The following PRKAA2 variants were observed in gnomAD, a reference collection of about 807,000 sequenced individuals.
The protein encoded by PRKAA2 is 5'-AMP-activated protein kinase catalytic subunit alpha-2.
Under a neutral mutation model 56.3 loss-of-function variants are expected in PRKAA2, and 40 were observed. The observed-to-expected ratio is 0.71, with a 90% CI of 0.55 to 0.92. The LOEUF (loss-of-function observed/expected upper bound fraction) is 0.92, where lower values mean the gene tolerates loss of function less well. Among genes scored for constraint, PRKAA2 ranks in the 40% least tolerant of loss-of-function variants. PRKAA2 has a pLI of 0.00. For synonymous variants in PRKAA2, 214 were observed against 234.2 expected (o/e 0.91, Z 0.79); for missense variants, 542 against 686.9 (o/e 0.79, Z 2.36).
At chr1:56,700,514 AC>A (rs1644287051) in intron 6 of PRKAA2, among the ~76,000 whole-genome samples, 1 of 151,570 alleles carries the variant, frequency 6.6e-6, no homozygotes, top group Admixed American at 6.6e-5. Flanking sequence ...CTTTCCAAAG[AC>A]CCCTCTGGAA....
chr1:56,658,025 A>G, intron 1 of PRKAA2, among the ~76,000 whole-genome samples: 1 of 152,192 alleles, frequency 6.6e-6, no homozygotes, highest in South Asian at 2.1e-4. Flanking sequence ...AGATATGAGA[A>G]AAAGTAGAGT....
At chr1:56,666,458 T>A (rs1644036837) in intron 1 of PRKAA2, among the ~76,000 whole-genome samples, 2 of 152,164 alleles carry the variant, frequency 1.3e-5, no homozygotes, top group Non-Finnish European at 2.9e-5. Context: ...TAGGGAATGC[T>A]TACTGAAAGA....
At chr1:56,665,850 C>G (rs1401281661) in intron 1 of PRKAA2, among the ~76,000 whole-genome samples, 4 of 152,246 alleles carry the variant, frequency 2.6e-5, no homozygotes, top group African/African-American at 9.6e-5. Context: ...TTTTCTAAAT[C>G]TGTTTTCCTG....
intron 2 of PRKAA2, among the ~76,000 whole-genome samples, chr1:56,677,028 G>A (rs1325397722): frequency 6.6e-6 from 1 of 152,110 alleles, no homozygotes; most frequent in East Asian, 1.9e-4. Flanking sequence ...TGTATTAGAT[G>A]GTCCAGAGTA....
chr1:56,670,685 A>G (rs1644068825), intron 1 of PRKAA2, among the ~76,000 whole-genome samples: 1 of 152,232 alleles, frequency 6.6e-6, no homozygotes, highest in African/African-American at 2.4e-5. Flanking sequence ...TAGTATAGCT[A>G]CTTACTTGAG....
intron 2 of PRKAA2, among the ~76,000 whole-genome samples, chr1:56,678,626 T>C (rs2100409644): frequency 6.6e-6 from 1 of 152,264 alleles, no homozygotes; most frequent in Admixed American, 6.5e-5. Context: ...CCTCCATAAT[T>C]CTTAATGCAA....
chr1:56,707,571 C>A lies in PRKAA2; in HGVS notation c.1517C>A (p.Thr506Asn), dbSNP rs1405705256. The change falls in exon 9 of 9, where the codon ACT (threonine) becomes AAT (asparagine). Residue 506 changes from threonine to asparagine, a missense_variant. Physicochemically the swap from Thr to Asn is moderately conservative, Grantham distance 65. Coordinates refer to ENST00000371244, the MANE Select transcript of PRKAA2 (RefSeq NM_006252.4). ...CCAAGATCAAGTTTTGATTCCACAACTGCAGAGAGCCATTCACTTTCTGGC... is the reference window on the plus strand; with the variant it reads ...CCAAGATCAAGTTTTGATTCCACAAATGCAGAGAGCCATTCACTTTCTGGC... ...HRPRSSFDST[T>N]AESHSLSGSL... 1 of 1,614,138 alleles carries A rather than the reference C, an allele frequency of 6.2e-7. No individual in the cohort carries two copies.
In PRKAA2 at chr1:56,699,649, T is replaced by C. The variant is rs552213983; in HGVS notation, c.788+3490T>C. On this transcript the variant is annotated intron_variant, in intron 6 of 8. Coordinates refer to ENST00000371244, the MANE Select transcript of PRKAA2 (RefSeq NM_006252.4). ...AATTTATCCCTTTAGATTGTATAAT[T>C]CACTGGCTTTTAGTGTATTCACAAA... is the stretch of plus-strand genomic sequence containing the variant. Among the ~76,000 whole-genome samples the C allele has an allele frequency of 2.6e-4, 39 of 152,336 alleles. No homozygotes were observed. The South Asian group carries it at 5.8e-3, about 23-fold the overall frequency.
Position 56,707,598 on chromosome 1 carries a change from C to T in PRKAA2, c.1544C>T (p.Ser515Phe), listed in dbSNP as rs1338639598. ...TTAESHSLSG[S>F]LTGSLTGSTL... The stretch of plus-strand genomic sequence containing the variant: ...GCAGAGAGCCATTCACTTTCTGGCT[C>T]TCTCACTGGCTCTTTGACCGGAAGC... The change falls in exon 9 of 9, where the codon TCT becomes TTT. Residue 515 changes from serine (S) to phenylalanine (F), a missense_variant. Ser to Phe is a radical substitution (Grantham distance 155, BLOSUM62 -2). Transcript: ENST00000371244. 3.1e-6 allele frequency: 5 copies of T among 1,614,026 alleles called. No individual in the cohort carries two copies. The highest frequency in any genetic ancestry group is 4.2e-6 in the Non-Finnish European group (5 of 1,179,956).
chr1:56,692,028 ATTTTTTTTTTT>A (rs397863487), intron 3 of PRKAA2, among the ~76,000 whole-genome samples: 76 of 112,806 alleles, frequency 6.7e-4, no homozygotes, highest in Non-Finnish European at 1.1e-3. Flanking sequence ...GATGTCTCAG[ATTTTTTTTTTT>A]TTTTTTTTTT....
At chr1:56,697,804 AT>A (rs968087917) in intron 6 of PRKAA2, among the ~76,000 whole-genome samples, 34 of 147,980 alleles carry the variant, frequency 2.3e-4, no homozygotes, top group South Asian at 6.5e-4. Flanking sequence ...CTATATTAAA[AT>A]TTTTTTTTTA....
intron 1 of PRKAA2, among the ~76,000 whole-genome samples, chr1:56,648,606 T>G (rs79560353): frequency 0.038 from 5,813 of 152,280 alleles, 198 homozygotes; most frequent in Admixed American, 0.12. Flanking sequence ...TAGTTTTATG[T>G]TTTACTTTTT....
At chr1:56,648,379 T>C (rs546353623) in intron 1 of PRKAA2, among the ~76,000 whole-genome samples, 1 of 152,384 alleles carries the variant, frequency 6.6e-6, no homozygotes, top group South Asian at 2.1e-4. Flanking sequence ...TGACATAGCA[T>C]GTGCCATTAA....
intron 2 of PRKAA2, among the ~76,000 whole-genome samples, chr1:56,680,693 CT>C (rs1433574820): frequency 6.6e-6 from 1 of 152,058 alleles, no homozygotes; most frequent in African/African-American, 2.4e-5. Context: ...TGAACTCATC[CT>C]TTTTTATGGC....
At chr1:56,646,477 A>C (rs1250356547) in intron 1 of PRKAA2, among the ~76,000 whole-genome samples, 1 of 152,156 alleles carries the variant, frequency 6.6e-6, no homozygotes, top group African/African-American at 2.4e-5. Flanking sequence ...ACTTTATTCG[A>C]GTTAAGTAAC....
At position 56,705,305 on chromosome 1, in the gene PRKAA2, C is replaced by T. The variant is rs138927060; in HGVS notation, c.1294-787C>T. On this transcript the variant is annotated intron_variant, in intron 7 of 8. Transcript: ENST00000371244. The stretch of plus-strand genomic sequence containing the variant: ...CAGTCTTATTTAGTTAAAAAAGAGA[C>T]GTTAACATTTTTAAAATTCTGTACT... Among the ~76,000 whole-genome samples, 88 of 152,210 alleles carry T rather than the reference C, an allele frequency of 5.8e-4. 2 individuals carry two copies. The East Asian group carries it at 0.016, about 27-fold the overall frequency.
chr1:56,707,850 T>C lies in PRKAA2; in HGVS notation c.*137T>C, dbSNP rs914655757. ...TATTTCCAGGGGCACACAATGCTAT[T>C]GAAATTACTGAAAACAAAATATCTG... On this transcript the variant is annotated 3_prime_UTR_variant, in exon 9 of 9. Transcript: ENST00000371244. The C allele has an allele frequency of 1.4e-5, 11 of 782,026 alleles. No individual in the cohort carries two copies. The African/African-American group carries it at 1.7e-4, about 12-fold the overall frequency. The allele number at this position is 782,026 out of a possible 1,614,324, so 48.4% of individuals were successfully genotyped here. A position where few individuals can be genotyped will look rare whatever the true frequency, so the allele number is the denominator to read the frequency against.
At position 56,714,824 on chromosome 1, in the gene PRKAA2, G is replaced by A. The variant is rs1320450320; in HGVS notation, c.*7111G>A. Reference sequence around the variant, plus strand: ...TAAAACTGAAAACAGCCATTTGGTTGTGTCATGACAATCATAATATAGGAT... The same window carrying A: ...TAAAACTGAAAACAGCCATTTGGTTATGTCATGACAATCATAATATAGGAT... On this transcript the variant is annotated 3_prime_UTR_variant, in exon 9 of 9. Transcript: ENST00000371244. The A allele has an allele frequency of 1.3e-5, 2 of 151,888 alleles. No individual in the cohort carries two copies. The highest frequency in any genetic ancestry group is 4.8e-5 in the African/African-American group (2 of 41,366). The allele number at this position is 151,888 out of a possible 1,614,324, so 9.4% of individuals were successfully genotyped here. A position where few individuals can be genotyped will look rare whatever the true frequency, so the allele number is the denominator to read the frequency against.
At position 56,710,488 on chromosome 1, in the gene PRKAA2, G is replaced by A. The variant is rs1290131897; in HGVS notation, c.*2775G>A. 1.3e-5 allele frequency: 2 copies of A among 152,054 alleles called. No individual in the cohort carries two copies. The highest frequency in any genetic ancestry group is 1.3e-4 in the Admixed American group (2 of 15,254). The allele number at this position is 152,054 out of a possible 1,614,324, so 9.4% of individuals were successfully genotyped here. A position where few individuals can be genotyped will look rare whatever the true frequency, so the allele number is the denominator to read the frequency against. On this transcript the variant is annotated 3_prime_UTR_variant, in exon 9 of 9. Coordinates refer to ENST00000371244, the MANE Select transcript of PRKAA2 (RefSeq NM_006252.4). Reference sequence around the variant, plus strand: ...TAAAAAACTTAATAGCCCATGAAAAGCAAATTTGGGAAATACATTTTTTAG... The same window carrying A: ...TAAAAAACTTAATAGCCCATGAAAAACAAATTTGGGAAATACATTTTTTAG...
Sources: allele counts gnomAD v4.1 joint callset (sites outside exome capture counted in the v4.1 genomes callset), GRCh38; gene constraint gnomAD v4.1.1; transcripts MANE v1.5; gene names NCBI Gene and HGNC (gene_info 2026-07-23, HGNC 2026-07-21).